Variants in YARS1 observed in about 807,000 individuals in gnomAD.
YARS1 encodes tyrosine--tRNA ligase, cytoplasmic.
Under a neutral mutation model 62.2 loss-of-function variants are expected in YARS1, and 36 were observed. The observed-to-expected ratio is 0.58, with a 90% confidence interval of 0.44 to 0.76. YARS1 has a LOEUF of 0.76. YARS1 is among the 30% of genes least tolerant of loss of function. The pLI is 0.00. For missense variants in YARS1, 524 were observed against 639.8 expected (o/e 0.82, Z 1.95); for synonymous variants, 234 against 244.9 (o/e 0.96, Z 0.42).
rs1557450295 is a variant in YARS1, at chr1:32,786,939, C to T, written c.820+1G>A. On this transcript the variant is annotated splice_donor_variant, in intron 7 of 12. Transcript: ENST00000373477. LOFTEE classifies it high-confidence loss of function. The stretch of plus-strand genomic sequence containing the variant: ...TCTAGGAAGAAAACAGAGAGTGTTA[C>T]CGGACTTAAGGGGAAAAAGGACATG... The T allele has an allele frequency of 3.7e-6, 6 of 1,613,832 alleles. No homozygotes were observed. The highest frequency in any genetic ancestry group is 5.1e-6 in the Non-Finnish European group (6 of 1,179,994).
Position 32,775,953 on chromosome 1 carries a change from G to C in YARS1, c.*28C>G. On this transcript the variant is annotated 3_prime_UTR_variant, in exon 13 of 13. Coordinates refer to ENST00000373477, the MANE Select transcript of YARS1 (RefSeq NM_003680.4). Reference sequence around the variant, plus strand: ...AAGAGACAGCAGATGACTCAGTGGTGGAAGAAGGGGGGAAGATGCTGGGCT... The same window carrying C: ...AAGAGACAGCAGATGACTCAGTGGTCGAAGAAGGGGGGAAGATGCTGGGCT... The C allele has an allele frequency of 6.4e-7, 1 of 1,572,284 alleles. No homozygotes were observed. Among genetic ancestry groups the C allele is most frequent in the Non-Finnish European group, 8.8e-7 (1 of 1,142,226 alleles).
At chr1:32,795,002 CAAAAAAAAAAAA>C (rs71278770) in intron 5 of YARS1, among the ~76,000 whole-genome samples, 4 of 22,888 alleles carry the variant, frequency 1.7e-4, no homozygotes, top group East Asian at 1.7e-3. Context: ...GACTCTGTCT[CAAAAAAAAAAAA>C]AAAAAAAAAA....
chr1:32,781,980 ATTT>A (rs772679724), intron 9 of YARS1: 154 of 144,124 alleles, frequency 1.1e-3, no homozygotes, highest in South Asian at 3.3e-3. Flanking sequence ...TGCCTGGCTA[ATTT>A]TTTTTTTTTT....
chr1:32,782,258 C>T, intron 9 of YARS1, 146 bp downstream of exon 9: 1 of 1,361,380 alleles, frequency 7.3e-7, no homozygotes, highest in African/African-American at 1.4e-5. Flanking sequence ...GACTCAAGTT[C>T]CATTCTAGGA....
At position 32,817,235 on chromosome 1, in the gene YARS1, C is replaced by A. The variant is rs1421123430; in HGVS notation, c.10G>T (p.Ala4Ser). MGD[A>S]PSPEEKLHLI... ...TGCAGTTTCTCTTCAGGGCTGGGAG[C>A]GTCCCCCATGGCTCCGCTACCCCTG... The change falls in exon 1 of 13, where the codon GCT becomes TCT. Residue 4 changes from alanine (A) to serine (S), a missense_variant. Transcript: ENST00000373477. The A allele has an allele frequency of 1.2e-6, 2 of 1,614,010 alleles. No individual in the cohort carries two copies. Among genetic ancestry groups the A allele is most frequent in the African/African-American group, 2.7e-5 (2 of 74,944 alleles).
At chr1:32,793,446 T>C (rs2148607620) in intron 5 of YARS1, among the ~76,000 whole-genome samples, 1 of 152,170 alleles carries the variant, frequency 6.6e-6, no homozygotes, top group Non-Finnish European at 1.5e-5. Flanking sequence ...AGTTTGAGAC[T>C]AGCTTGGCCA....
intron 3 of YARS1, 45 bp from the exon 4 acceptor site, chr1:32,806,656 G>A (rs370296827): frequency 3.1e-6 from 5 of 1,613,726 alleles, no homozygotes; most frequent in South Asian, 1.1e-5. Flanking sequence ...CTGGGCCTAG[G>A]CCTCAGTTTC....
At chr1:32,786,865 C>A (rs541643629) in intron 7 of YARS1, 75 bp downstream of exon 7, 9 of 1,595,176 alleles carry the variant, frequency 5.6e-6, no homozygotes, top group Middle Eastern at 1.7e-4. Context: ...GAGTCTGTGA[C>A]AAATCACAAG....
intron 1 of YARS1, among the ~76,000 whole-genome samples, chr1:32,814,488 C>G (rs534366966): frequency 6.6e-6 from 1 of 152,300 alleles, no homozygotes; most frequent in South Asian, 2.1e-4. Context: ...CTCCCGGGTT[C>G]AAACGATTCT....
At chr1:32,802,903 C>A (rs1638335054) in intron 4 of YARS1, among the ~76,000 whole-genome samples, 1 of 151,878 alleles carries the variant, frequency 6.6e-6, no homozygotes, top group Admixed American at 6.6e-5. Context: ...ATCTCTGCCT[C>A]CTGGGTATAA....
At position 32,782,499 on chromosome 1, in the gene YARS1, G is replaced by A; in HGVS notation, c.947C>T (p.Ala316Val). ...GATTGGATCCAGCAACTTGTTCAGT[G>A]CGACTTCAACAGAATTCTTCAGGTC... is the stretch of plus-strand genomic sequence containing the variant. The part of the protein sequence containing the change: ...PGDLKNSVEV[A>V]LNKLLDPIRE... The change falls in exon 9 of 13, where the codon GCA (alanine) becomes GTA (valine). Residue 316 changes from alanine to valine, a missense_variant. Coordinates refer to ENST00000373477, the MANE Select transcript of YARS1 (RefSeq NM_003680.4). The A allele has an allele frequency of 6.2e-7, 1 of 1,614,122 alleles. No homozygotes were observed. The highest frequency in any genetic ancestry group is 8.5e-7 in the Non-Finnish European group (1 of 1,180,042).
Position 32,779,366 on chromosome 1 carries a change from A to G in YARS1, c.1476+16T>C. The stretch of plus-strand genomic sequence containing the variant: ...AGGCAGCCCAGCCAAGAAAGGGAAC[A>G]ATTACAGCTTTTTACCTGCAACTTC... On this transcript the variant is annotated intron_variant, in intron 12 of 12. Coordinates refer to ENST00000373477, the MANE Select transcript of YARS1 (RefSeq NM_003680.4). 1 of 1,614,200 alleles carries G rather than the reference A, an allele frequency of 6.2e-7. No homozygotes were observed. The highest frequency in any genetic ancestry group is 1.1e-5 in the South Asian group (1 of 91,084).
At chr1:32,813,114 C>A (rs1190532349) in intron 1 of YARS1, among the ~76,000 whole-genome samples, 1 of 152,106 alleles carries the variant, frequency 6.6e-6, no homozygotes, top group Non-Finnish European at 1.5e-5. Flanking sequence ...AGAACCCCCA[C>A]CCCCTTTCTG....
At chr1:32,796,965 CAAAAAAAAAAAAAA>C (rs71578193) in intron 5 of YARS1, among the ~76,000 whole-genome samples, 1 of 2,658 alleles carries the variant, frequency 3.8e-4, no homozygotes, top group African/African-American at 1.7e-3. Context: ...AACTCAGTCT[CAAAAAAAAAAAAAA>C]AAAAAAAAAA....
intron 1 of YARS1, among the ~76,000 whole-genome samples, chr1:32,813,884 T>G (rs1039730573): frequency 2.7e-4 from 1 of 3,692 alleles, no homozygotes; most frequent in Admixed American, 7.2e-3. Flanking sequence ...TGGTCTCCTT[T>G]ATTTTATTCT....
rs771633110 is a variant in YARS1 at position 32,775,991 on chromosome 1, T to C, written c.1577A>G (p.Asn526Ser). The change falls in exon 13 of 13, where the codon AAC (asparagine) becomes AGC (serine). Residue 526 changes from asparagine (N) to serine (S), a missense_variant. Asn to Ser is a conservative substitution (Grantham distance 46). Coordinates refer to ENST00000373477, the MANE Select transcript of YARS1 (RefSeq NM_003680.4). Reference sequence around the variant, plus strand: ...AAGATGCTGGGCTGGCTAGCTAATGTTCCCCCCTTTCAGCGATTTACAGGA... The same window carrying C: ...AAGATGCTGGGCTGGCTAGCTAATGCTCCCCCCTTTCAGCGATTTACAGGA... ...SISCKSLKGG[N>S]IS 4 of 1,613,868 alleles carry C rather than the reference T, an allele frequency of 2.5e-6. No homozygotes were observed. The South Asian group carries it at 3.3e-5, about 13-fold the overall frequency.
At chr1:32,802,008 C>T (rs1378467647) in intron 4 of YARS1, among the ~76,000 whole-genome samples, 2 of 131,976 alleles carry the variant, frequency 1.5e-5, no homozygotes, top group Non-Finnish European at 3.1e-5. Context: ...AGTGCAGTGG[C>T]GGGATCTCGG....
chr1:32,787,597 C>T (rs1653275406), intron 6 of YARS1, among the ~76,000 whole-genome samples: 1 of 151,802 alleles, frequency 6.6e-6, no homozygotes, highest in South Asian at 2.1e-4. Flanking sequence ...GGAAGCTCCG[C>T]CTCCTGGGTT....
rs990086732 is a variant in YARS1 at position 32,817,253 on chromosome 1, T to C, written c.-9A>G. The C allele has an allele frequency of 1.2e-6, 2 of 1,613,858 alleles. No individual in the cohort carries two copies. The highest frequency in any genetic ancestry group is 2.7e-5 in the African/African-American group (2 of 74,940). On this transcript the variant is annotated 5_prime_UTR_variant, in exon 1 of 13. Coordinates refer to ENST00000373477, the MANE Select transcript of YARS1 (RefSeq NM_003680.4). ...CTGGGAGCGTCCCCCATGGCTCCGC[T>C]ACCCCTGCTTCCCCCGCTCAGCCCG...
Sources: allele counts gnomAD v4.1 joint callset (sites outside exome capture counted in the v4.1 genomes callset), GRCh38; gene constraint gnomAD v4.1.1; transcripts MANE v1.5; gene names NCBI Gene and HGNC (gene_info 2026-07-23, HGNC 2026-07-21).